Variants in ABCC10 observed in about 807,000 individuals in gnomAD.
The protein encoded by ABCC10 is ATP binding cassette subfamily C member 10.
ABCC10 carries 110 observed loss-of-function variants against 143.2 expected under a neutral mutation model. That is an observed-to-expected ratio of 0.77 (90% CI 0.66 to 0.90). The LOEUF is 0.90. Among genes scored for constraint, ABCC10 ranks in the 40% least tolerant of loss-of-function variants. ABCC10 has a pLI of 0.00. For synonymous variants in ABCC10, 805 were observed against 846.7 expected, an observed-to-expected ratio of 0.95 and a Z score of 0.85; for missense variants, 1,700 against 1,900.5, an observed-to-expected ratio of 0.89 and a Z score of 1.96.
rs576379327 is a variant in ABCC10, at chr6:43,449,874, T to C, written c.4317-55T>C. ...GAGAGGAGGGAAAGCAGGTCAGTGTTCTTACTTAGGGCATTGTCCCTCATC... is the reference window on the plus strand; with the variant it reads ...GAGAGGAGGGAAAGCAGGTCAGTGTCCTTACTTAGGGCATTGTCCCTCATC... On this transcript the variant is annotated intron_variant, in intron 21 of 21. Coordinates refer to ENST00000372530, the MANE Select transcript of ABCC10 (RefSeq NM_001198934.2). 6.3e-6 allele frequency: 10 copies of C among 1,597,842 alleles called. No homozygotes were observed. The African/African-American group carries it at 1.3e-4, about 21-fold the overall frequency.
At chr6:43,446,183 A>T in intron 15 of ABCC10, 94 bp from the exon 16 acceptor site, 1 of 1,447,332 alleles carries the variant, frequency 6.9e-7, no homozygotes, top group Non-Finnish European at 9.4e-7. Flanking sequence ...CCCAAGAAGG[A>T]GCTGCTCAAT....
chr6:43,436,903 G>C (rs558368552), intron 6 of ABCC10, among the ~76,000 whole-genome samples: 1 of 152,324 alleles, frequency 6.6e-6, no homozygotes, highest in East Asian at 1.9e-4. Context: ...GCAAGACAAG[G>C]CTAGATTTGT....
intron 11 of ABCC10, 42 bp from the exon 12 acceptor site, chr6:43,444,117 A>T (rs1581768939): frequency 6.2e-7 from 1 of 1,610,810 alleles, no homozygotes; most frequent in South Asian, 1.1e-5. Context: ...TTCAGCTGGC[A>T]CCCTGCAAGC....
chr6:43,435,755 T>G lies in ABCC10; in HGVS notation c.1613T>G (p.Phe538Cys). ...MGHQLTATKV[F>C]TALALVRMLI... ...CCCTGCACCCACCTCACTCAGGTGT[T>G]CACGGCCCTGGCACTGGTGCGAATG... The change falls in exon 5 of 22, where the codon TTC (phenylalanine) becomes TGC (cysteine). Residue 538 changes from phenylalanine (F) to cysteine (C), a missense_variant. Phe to Cys is a radical substitution (Grantham distance 205). Coordinates refer to ENST00000372530, the MANE Select transcript of ABCC10 (RefSeq NM_001198934.2). The G allele has an allele frequency of 2.5e-6, 4 of 1,614,178 alleles. No individual in the cohort carries two copies. Among genetic ancestry groups the G allele is most frequent in the Non-Finnish European group, 3.4e-6 (4 of 1,179,998 alleles).
At position 43,432,429 on chromosome 6, in the gene ABCC10, C is replaced by G. The variant is rs769594873; in HGVS notation, c.449C>G (p.Thr150Ser). 6.2e-7 allele frequency: 1 copy of G among 1,611,936 alleles called. No individual in the cohort carries two copies. The highest frequency in any genetic ancestry group is 8.5e-7 in the Non-Finnish European group (1 of 1,180,022). ...CTGCCAGCTCCAGCCCTAGTGCTGA[C>G]CGTGTTGTGGCATTGCCAGCGAGGC... ...ALLPAPALVLTVLWHCQRGTL... is the reference protein window; with the variant it reads ...ALLPAPALVLSVLWHCQRGTL... Residue 150 changes from threonine (T) to serine (S), a missense_variant, in exon 3 of 22, where the codon ACC becomes AGC. Thr to Ser is a moderately conservative substitution (Grantham distance 58). Transcript: ENST00000372530.
At position 43,433,246 on chromosome 6, in the gene ABCC10, C is replaced by T. The variant is rs770722819; in HGVS notation, c.1266C>T (p.Ala422=). The T allele has an allele frequency of 6.2e-6, 10 of 1,614,056 alleles. No individual in the cohort carries two copies. Among genetic ancestry groups the T allele is most frequent in the African/African-American group, 1.3e-5 (1 of 74,924 alleles). The change falls in exon 3 of 22, where the codon GCC becomes GCT. Residue 422 remains alanine, a synonymous_variant. Transcript: ENST00000372530. The part of the protein sequence containing the change: ...LYLLYQQVGV[A]FVGGLILALL... ...TGCTGTACCAGCAGGTAGGCGTGGC[C>T]TTCGTGGGTGGTCTCATCTTGGCAC...
chr6:43,439,607 C>T (rs563478125), intron 8 of ABCC10, among the ~76,000 whole-genome samples: 8 of 152,126 alleles, frequency 5.3e-5, no homozygotes, highest in South Asian at 4.1e-4. Flanking sequence ...GTTTTTGAGA[C>T]GGAGTCTCAC....
chr6:43,447,762 G>A lies in ABCC10; in HGVS notation c.3784G>A (p.Ala1262Thr). 4 of 1,613,900 alleles carry A rather than the reference G, an allele frequency of 2.5e-6. No individual in the cohort carries two copies. The highest frequency in any genetic ancestry group is 3.4e-6 in the Non-Finnish European group (4 of 1,180,044). ...GGCGTACCGGCCAGGGCTGCCGAAT[G>A]CCCTGGATGGAGTGACCTTCTGCGT... ...VLAYRPGLPN[A>T]LDGVTFCVQP... The change falls in exon 18 of 22, where the codon GCC (alanine) becomes ACC (threonine). Residue 1262 changes from alanine (A) to threonine (T), a missense_variant. Ala to Thr is a moderately conservative substitution (Grantham distance 58, BLOSUM62 0). Coordinates refer to ENST00000372530, the MANE Select transcript of ABCC10 (RefSeq NM_001198934.2).
intron 5 of ABCC10, 113 bp from the exon 6 acceptor site, chr6:43,436,025 T>G: frequency 6.3e-7 from 1 of 1,599,224 alleles, no homozygotes; most frequent in Non-Finnish European, 8.6e-7. Flanking sequence ...CAAAACAGAC[T>G]CATTTAGCTT....
chr6:43,432,319 C>T lies in ABCC10; in HGVS notation c.339C>T (p.Ile113=), dbSNP rs775174193. Residue 113 remains isoleucine, a synonymous_variant, in exon 3 of 22, where the codon ATC becomes ATT. Transcript: ENST00000372530. The stretch of plus-strand genomic sequence containing the variant: ...GGTGCGTGGCAGCTGTGGCCTGGAT[C>T]AGCCACAGCCTGGCCCTGTGGGTGT... ...LAGCVAAVAW[I]SHSLALWVLA... The T allele has an allele frequency of 1.2e-6, 2 of 1,614,126 alleles. No homozygotes were observed. The highest frequency in any genetic ancestry group is 2.2e-5 in the East Asian group (1 of 44,886).
chr6:43,430,514 G>A (rs1423183596), intron 2 of ABCC10, among the ~76,000 whole-genome samples: 1 of 151,728 alleles, frequency 6.6e-6, no homozygotes, highest in Non-Finnish European at 1.5e-5. Flanking sequence ...GGAATCGCTT[G>A]AACCTGGGAG....
Position 43,433,077 on chromosome 6 carries a change from A to G in ABCC10, c.1097A>G (p.Lys366Arg). ...GCTGTGCTGAACATCCTGTACTGCA[A>G]GGCTTTACAGCTGGGGCCCAGCCGC... is the stretch of plus-strand genomic sequence containing the variant. ...RGAVLNILYC[K>R]ALQLGPSRPP... The change falls in exon 3 of 22, where the codon AAG becomes AGG. Residue 366 changes from lysine to arginine, a missense_variant. Coordinates refer to ENST00000372530, the MANE Select transcript of ABCC10 (RefSeq NM_001198934.2). 19 of 1,614,160 alleles carry G rather than the reference A, an allele frequency of 1.2e-5. No homozygotes were observed. The highest frequency in any genetic ancestry group is 1.6e-5 in the Non-Finnish European group (19 of 1,180,018).
intron 2 of ABCC10, chr6:43,431,828 A>T: frequency 8.1e-7 from 1 of 1,229,428 alleles, no homozygotes; most frequent in Non-Finnish European, 1.0e-6. Flanking sequence ...CATGTTAAGT[A>T]CAATCTTACC....
In ABCC10 at chr6:43,444,793, C is replaced by T. The variant is rs761231615; in HGVS notation, c.2695C>T (p.Arg899Trp). 2.9e-5 allele frequency: 47 copies of T among 1,594,156 alleles called. No homozygotes were observed. The East Asian group carries it at 4.9e-4, about 17-fold the overall frequency. ...TCCTTCCTGTCCCCACCCAGCCACG[C>T]GGAACGCTGCTGACTGGTGGCTCTC... ...LFSLLLMQAT[R>W]NAADWWLSHW... Residue 899 changes from arginine (R) to tryptophan (W), a missense_variant, in exon 13 of 22, where the codon CGG becomes TGG. Coordinates refer to ENST00000372530, the MANE Select transcript of ABCC10 (RefSeq NM_001198934.2).
chr6:43,427,943 C>T, intron 1 of ABCC10, 25 bp from the exon 2 acceptor site: 1 of 1,611,130 alleles, frequency 6.2e-7, no homozygotes, highest in East Asian at 2.2e-5. Context: ...CCCTGCACAG[C>T]CGTCACCCTC....
intron 18 of ABCC10, 89 bp downstream of exon 18, chr6:43,448,026 C>T (rs1783306695): frequency 1.9e-6 from 3 of 1,562,958 alleles, no homozygotes; most frequent in Non-Finnish European, 2.6e-6. Context: ...TTTATATAAA[C>T]TCACAGCAGC....
In ABCC10 at chr6:43,446,463, C is replaced by A; in HGVS notation, c.3544+17C>A. 6.2e-7 allele frequency: 1 copy of A among 1,604,656 alleles called. No homozygotes were observed. Among genetic ancestry groups the A allele is most frequent in the South Asian group, 1.1e-5 (1 of 90,648 alleles). ...CTAACCCAGGTGCCACCCAGGACCC[C>A]TCACCCCTACCTCATCCACAAGTTA... On this transcript the variant is annotated intron_variant, in intron 16 of 21. Transcript: ENST00000372530.
chr6:43,441,725 T>A (rs1217502573), intron 8 of ABCC10, 137 bp from the exon 9 acceptor site: 1 of 623,352 alleles, frequency 1.6e-6, no homozygotes, highest in Non-Finnish European at 2.8e-6. Context: ...CTCCTCTGAC[T>A]AGCTCACCCC....
chr6:43,428,455 T>C (rs1780738579), intron 2 of ABCC10, among the ~76,000 whole-genome samples: 1 of 152,212 alleles, frequency 6.6e-6, no homozygotes, highest in Admixed American at 6.5e-5. Flanking sequence ...CGGACTCAGC[T>C]GTCATGAATT....
Sources: allele counts gnomAD v4.1 joint callset (sites outside exome capture counted in the v4.1 genomes callset), GRCh38; gene constraint gnomAD v4.1.1; transcripts MANE v1.5; gene names NCBI Gene and HGNC (gene_info 2026-07-23, HGNC 2026-07-21).